Variants in ADAMTS10 observed in about 807,000 individuals in gnomAD.
The protein encoded by ADAMTS10 is A disintegrin and metalloproteinase with thrombospondin motifs 10.
Under a neutral mutation model 135.9 loss-of-function variants are expected in ADAMTS10, and 48 were observed. The observed-to-expected ratio is 0.35, with a 90% CI of 0.28 to 0.45. ADAMTS10 has a LOEUF of 0.45. Ranked by LOEUF, ADAMTS10 falls within the 20% of genes least tolerant of loss-of-function variation. ADAMTS10 has a pLI of 1.00. For missense variants in ADAMTS10, 1,131 were observed against 1,565.2 expected (o/e 0.72, Z 4.68); for synonymous variants, 621 against 647.5 (o/e 0.96, Z 0.62).
chr19:8,592,226 G>T, intron 13 of ADAMTS10, 123 bp from the exon 14 acceptor site: 7 of 1,533,344 alleles, frequency 4.6e-6, no homozygotes, highest in Non-Finnish European at 6.2e-6. Flanking sequence ...GCAGAGGCGG[G>T]GTCTGAACAT....
chr19:8,590,037 A>T (rs782648024), intron 15 of ADAMTS10, 46 bp from the exon 16 acceptor site: 27 of 1,371,034 alleles, frequency 2.0e-5, no homozygotes, highest in Middle Eastern at 1.8e-4. Flanking sequence ...GCTTGGGGGG[A>T]TGGAGTCAGA....
At position 8,605,399 on chromosome 19, in the gene ADAMTS10, T is replaced by G; in HGVS notation, c.89-41A>C. ...AGAGGCCTGGGGTGGGCCCTGGTCT[T>G]ATTGGACCCCTGTGTCCTGGCTGTT... On this transcript the variant is annotated intron_variant, in intron 3 of 25. Transcript: ENST00000597188. The surrounding 1 kb of genome is among the most constrained non-coding windows in gnomAD (Gnocchi z 7.7). 1.3e-6 allele frequency: 2 copies of G among 1,544,354 alleles called. No individual in the cohort carries two copies. Among genetic ancestry groups the G allele is most frequent in the South Asian group, 2.4e-5 (2 of 84,666 alleles).
Position 8,589,306 on chromosome 19 carries a change from A to G in ADAMTS10, c.2094T>C (p.Cys698=). ...SDLREDKCRV[C]GGDGSACETI... ...TCTCGCAGGCACTGCCGTCACCGCC[A>G]CACACTCGGCACTTGTCCTCCCGCA... Residue 698 remains cysteine (C), a synonymous_variant, in exon 18 of 26, where the codon TGT becomes TGC. Transcript: ENST00000597188. 6.2e-7 allele frequency: 1 copy of G among 1,612,714 alleles called. No homozygotes were observed. Among genetic ancestry groups the G allele is most frequent in the East Asian group, 2.2e-5 (1 of 44,870 alleles).
At chr19:8,603,942 C>A in intron 4 of ADAMTS10, 58 bp from the exon 5 acceptor site, 1 of 1,511,430 alleles carries the variant, frequency 6.6e-7, no homozygotes, top group African/African-American at 1.4e-5. Context: ...AGCTTAGGAC[C>A]CCTGGGACCT....
intron 6 of ADAMTS10, among the ~76,000 whole-genome samples, chr19:8,598,077 G>C (rs1555740653): frequency 2.0e-5 from 3 of 152,096 alleles, no homozygotes; most frequent in African/African-American, 7.2e-5. Context: ...GCCTGGCACA[G>C]TGCTGGGATC....
rs897255913 is a variant in ADAMTS10, at chr19:8,580,572, G to T, written c.*321C>A. 5.9e-6 allele frequency: 2 copies of T among 340,200 alleles called. No homozygotes were observed. The highest frequency in any genetic ancestry group is 2.5e-5 in the South Asian group (1 of 39,944). 21.1% of individuals were successfully genotyped at this position (340,200 alleles called of 1,614,324 possible). Reference sequence around the variant, plus strand: ...ACAGTACATATTCCGATCAAAGGAGGGGGGGAGTGTTGGGGACTCCCTAAG... The same window carrying T: ...ACAGTACATATTCCGATCAAAGGAGTGGGGGAGTGTTGGGGACTCCCTAAG... On this transcript the variant is annotated 3_prime_UTR_variant, in exon 26 of 26. Transcript: ENST00000597188.
At chr19:8,589,426 T>A in intron 17 of ADAMTS10, 26 bp downstream of exon 17, 1 of 1,122,078 alleles carries the variant, frequency 8.9e-7, no homozygotes, top group Non-Finnish European at 1.2e-6. Flanking sequence ...CCATCCCCTC[T>A]CCACCTCCCT....
In ADAMTS10 at chr19:8,589,596, C is replaced by A. The variant is rs117220199; in HGVS notation, c.1901-11G>T. On this transcript the variant is annotated splice_polypyrimidine_tract_variant and intron_variant, in intron 16 of 25. Coordinates refer to ENST00000597188, the MANE Select transcript of ADAMTS10 (RefSeq NM_030957.4). ...AGGCCTTCACGCCCCCTGGGGGGCA[C>A]GGCCCCGTCACACCACGGGCCAGGC... 6.2e-7 allele frequency: 1 copy of A among 1,613,104 alleles called. No homozygotes were observed.
intron 12 of ADAMTS10, among the ~76,000 whole-genome samples, chr19:8,593,691 C>T (rs1555739648): frequency 6.6e-6 from 1 of 152,144 alleles, no homozygotes; most frequent in Non-Finnish European, 1.5e-5. Flanking sequence ...AAATCTCTGA[C>T]CCTCTTGGCC....
At chr19:8,606,666 T>C (rs2042725372) in intron 2 of ADAMTS10, among the ~76,000 whole-genome samples, 1 of 152,168 alleles carries the variant, frequency 6.6e-6, no homozygotes, top group Admixed American at 6.5e-5. Context: ...CATCTTTTTA[T>C]AGATGAGGAA....
At chr19:8,608,422 T>TCCTCTC (rs1197442145) in intron 1 of ADAMTS10, among the ~76,000 whole-genome samples, 174 bp from the exon 2 acceptor site, 1 of 152,100 alleles carries the variant, frequency 6.6e-6, no homozygotes, top group South Asian at 2.1e-4. Context: ...AAAACCCACC[T>TCCTCTC]CCTCTCCCTC....
chr19:8,584,818 G>A, intron 25 of ADAMTS10, 77 bp downstream of exon 25: 1 of 1,530,690 alleles, frequency 6.5e-7, no homozygotes, highest in Non-Finnish European at 8.8e-7. Flanking sequence ...CTAGGATGAA[G>A]TCAGGACCCC....
Position 8,605,790 on chromosome 19 carries a change from T to C in ADAMTS10, c.-80A>G. 1 of 1,532,548 alleles carries C rather than the reference T, an allele frequency of 6.5e-7. No individual in the cohort carries two copies. Among genetic ancestry groups the C allele is most frequent in the Non-Finnish European group, 8.8e-7 (1 of 1,142,156 alleles). 94.9% of individuals were successfully genotyped at this position (1,532,548 alleles called of 1,614,324 possible). On this transcript the variant is annotated 5_prime_UTR_variant, in exon 3 of 26. Transcript: ENST00000597188. This position sits in a 1 kb window ranked among gnomAD's most constrained non-coding sequence, Gnocchi z 7.7. ...AGTGCCGCCTCCCCTGTTCACAGCCTTCGCAGCATCACCGGGCTCCTGGGA... is the reference window on the plus strand; with the variant it reads ...AGTGCCGCCTCCCCTGTTCACAGCCCTCGCAGCATCACCGGGCTCCTGGGA...
At position 8,585,299 on chromosome 19, in the gene ADAMTS10, TG is replaced by T; in HGVS notation, c.2874del (p.Ser959AlafsTer114). 2 of 1,527,040 alleles carry T rather than the reference TG, an allele frequency of 1.3e-6. No homozygotes were observed. Among genetic ancestry groups the T allele is most frequent in the Non-Finnish European group, 1.8e-6 (2 of 1,138,422 alleles). The allele number at this position is 1,527,040 out of a possible 1,614,324, so 94.6% of individuals were successfully genotyped here. On this transcript the variant is annotated frameshift_variant, in exon 24 of 26. Coordinates refer to ENST00000597188, the MANE Select transcript of ADAMTS10 (RefSeq NM_030957.4). LOFTEE classifies it high-confidence loss of function. ...WAALDWSECT[P>X]SCGPGLRHRV... Reference sequence around the variant, plus strand: ...CGGTGGCGGAGGCCCGGCCCGCAGCTGGGGGTGCACTGCAGTTGGAAGGGGC... The same window carrying T: ...CGGTGGCGGAGGCCCGGCCCGCAGCTGGGGTGCACTGCAGTTGGAAGGGGC...
chr19:8,599,895 C>T (rs574228418), intron 6 of ADAMTS10, among the ~76,000 whole-genome samples: 32 of 151,716 alleles, frequency 2.1e-4, no homozygotes, highest in Non-Finnish European at 3.8e-4. Context: ...AGCACAGTGG[C>T]GTGATCTCAG....
chr19:8,584,905 G>A lies in ADAMTS10; in HGVS notation c.3192C>T (p.Asp1064=). 1.3e-6 allele frequency: 2 copies of A among 1,548,936 alleles called. No individual in the cohort carries two copies. The change falls in exon 25 of 26, where the codon GAC becomes GAT. Residue 1064 remains aspartate (D), a synonymous_variant. Transcript: ENST00000597188. ...EAKCDSPTPG[D]GPEECKDVNK... ...TGGTCACCCACATACCTTCAGGGCCGTCCCCGGGGGTTGGGCTGTCGCACT... is the reference window on the plus strand; with the variant it reads ...TGGTCACCCACATACCTTCAGGGCCATCCCCGGGGGTTGGGCTGTCGCACT...
At position 8,601,762 on chromosome 19, in the gene ADAMTS10, T is replaced by C. The variant is rs2042672152; in HGVS notation, c.593-617A>G. The stretch of plus-strand genomic sequence containing the variant: ...ATTGTAGTCTACCATGATGTCACTG[T>C]CCCTCTGCCAAACTGTTGAGTTGAA... On this transcript the variant is annotated intron_variant, in intron 5 of 25. Coordinates refer to ENST00000597188, the MANE Select transcript of ADAMTS10 (RefSeq NM_030957.4). The surrounding 1 kb of genome is among the most constrained non-coding windows in gnomAD (Gnocchi z 4.6). Among the ~76,000 whole-genome samples, 1 of 152,150 alleles carries C rather than the reference T, an allele frequency of 6.6e-6. No homozygotes were observed. Among genetic ancestry groups the C allele is most frequent in the Non-Finnish European group, 1.5e-5 (1 of 68,024 alleles).
chr19:8,597,824 A>G (rs1256736483), intron 6 of ADAMTS10, among the ~76,000 whole-genome samples: 2 of 150,402 alleles, frequency 1.3e-5, no homozygotes, highest in Admixed American at 1.3e-4. Context: ...TTTTTTTGAG[A>G]CAGAGTTTTG....
intron 25 of ADAMTS10, 46 bp from the exon 26 acceptor site, chr19:8,581,048 TCCCC>T: frequency 2.9e-6 from 4 of 1,389,086 alleles, no homozygotes; most frequent in South Asian, 2.4e-5. Context: ...TCAGCTGCCC[TCCCC>T]GCAGGGCTGC....
Sources: gnomAD v4.1 joint callset for allele counts (sites outside exome capture counted in the v4.1 genomes callset) on GRCh38, gnomAD v4.1.1 for gene constraint, Gnocchi (gnomAD v3.1) non-coding constraint, MANE v1.5 for transcripts, NCBI Gene and HGNC (gene_info 2026-07-23, HGNC 2026-07-21) for gene names.